THSD4: variants seen among roughly 807,000 people sequenced by gnomAD.
THSD4 encodes the protein thrombospondin type-1 domain-containing protein 4.
Under a neutral mutation model 119.0 loss-of-function variants are expected in THSD4, and 69 were observed. That is an observed-to-expected ratio of 0.58 (90% CI 0.48 to 0.71). The LOEUF (loss-of-function observed/expected upper bound fraction) is 0.71, where lower values mean the gene tolerates loss of function less well. THSD4 is among the 30% of genes least tolerant of loss of function. The pLI is 0.00. For synonymous variants in THSD4, 524 were observed against 540.4 expected (o/e 0.97, Z 0.42); for missense variants, 1,393 against 1,391.1 (o/e 1.00, Z -0.02).
chr15:71,364,369 C>T (rs2045929783), intron 6 of THSD4, among the ~76,000 whole-genome samples: 1 of 152,240 alleles, frequency 6.6e-6, no homozygotes, highest in South Asian at 2.1e-4. Context: ...TATTTCATTA[C>T]TTAGCACTTT....
intron 7 of THSD4, among the ~76,000 whole-genome samples, chr15:71,525,386 G>A (rs2048504124): frequency 6.6e-6 from 1 of 152,198 alleles, no homozygotes; most frequent in Admixed American, 6.5e-5. Flanking sequence ...TTATAGACAT[G>A]TTGGATTTGA....
In THSD4 at chr15:71,474,710, G is replaced by A. The variant is rs1341062679; in HGVS notation, c.1152+62887G>A. On this transcript the variant is annotated intron_variant, in intron 7 of 17. Transcript: ENST00000261862. Reference sequence around the variant, plus strand: ...AATCTTTCCTCCTAGATTCCCTCTGGGTTCAGCCCCACATGAGACAGGAGG... The same window carrying A: ...AATCTTTCCTCCTAGATTCCCTCTGAGTTCAGCCCCACATGAGACAGGAGG... Among the ~76,000 whole-genome samples the A allele has an allele frequency of 2.0e-5, 3 of 152,072 alleles. No individual in the cohort carries two copies. The East Asian group carries it at 5.8e-4, about 29-fold the overall frequency.
At chr15:71,556,745 G>GCAGA (rs1378963780) in intron 7 of THSD4, among the ~76,000 whole-genome samples, 2 of 146,518 alleles carry the variant, frequency 1.4e-5, no homozygotes, top group Non-Finnish European at 3.0e-5. Flanking sequence ...AGCCTGGGTG[G>GCAGA]CAGAGTAAGA....
intron 15 of THSD4, among the ~76,000 whole-genome samples, chr15:71,758,763 T>A (rs12101749): frequency 0.15 from 23,434 of 152,158 alleles, 3,109 homozygotes; most frequent in African/African-American, 0.35. Context: ...GATCATGATT[T>A]ACACATTATC....
chr15:71,151,193 T>A (rs1371493944), intron 2 of THSD4, among the ~76,000 whole-genome samples: 1 of 152,122 alleles, frequency 6.6e-6, no homozygotes, highest in African/African-American at 2.4e-5. Flanking sequence ...TGGAATGCAG[T>A]TCCTCGGAGT....
intron 6 of THSD4, among the ~76,000 whole-genome samples, chr15:71,395,942 C>CACAA (rs1469794305): frequency 1.3e-5 from 2 of 150,448 alleles, no homozygotes; most frequent in East Asian, 4.0e-4. Flanking sequence ...CACACACACA[C>CACAA]ACACACACAC....
intron 4 of THSD4, among the ~76,000 whole-genome samples, chr15:71,231,262 C>A (rs1422068222): frequency 6.6e-6 from 1 of 152,130 alleles, no homozygotes; most frequent in Non-Finnish European, 1.5e-5. Flanking sequence ...GGGGTCGTTT[C>A]CCCCAGAAGG....
intron 6 of THSD4, among the ~76,000 whole-genome samples, chr15:71,371,299 G>A (rs967198557): frequency 6.6e-6 from 1 of 152,162 alleles, no homozygotes; most frequent in Admixed American, 6.5e-5. Flanking sequence ...ATATTGTTAT[G>A]TATGAATTTG....
chr15:71,265,767 G>C (rs755393848), intron 6 of THSD4, among the ~76,000 whole-genome samples: 3 of 152,132 alleles, frequency 2.0e-5, no homozygotes, highest in African/African-American at 4.8e-5. Flanking sequence ...GAGCTTTGTG[G>C]GGGGGGAGGG....
intron 6 of THSD4, among the ~76,000 whole-genome samples, 199 bp from the exon 7 acceptor site, chr15:71,411,488 A>G (rs35270398): frequency 0.25 from 37,838 of 152,052 alleles, 4,870 homozygotes; most frequent in South Asian, 0.32. Flanking sequence ...CTGGAATTAT[A>G]TAATGGTTGC....
intron 7 of THSD4, among the ~76,000 whole-genome samples, chr15:71,501,760 C>T (rs2048116064): frequency 6.6e-6 from 1 of 152,218 alleles, no homozygotes; most frequent in Non-Finnish European, 1.5e-5. Context: ...CATGACCTCT[C>T]AATTGTTTTC....
intron 4 of THSD4, among the ~76,000 whole-genome samples, chr15:71,232,738 T>C (rs942168664): frequency 1.3e-4 from 20 of 152,242 alleles, no homozygotes; most frequent in East Asian, 3.9e-4. Context: ...AACCAGATGA[T>C]GAAGGGTGGA....
chr15:71,442,559 A>G, intron 7 of THSD4, among the ~76,000 whole-genome samples: 1 of 79,738 alleles, frequency 1.3e-5, no homozygotes, highest in Non-Finnish European at 2.5e-5. Context: ...ACAGAGCAAA[A>G]CTCCATCTCA....
chr15:71,432,281 A>G (rs2046953146), intron 7 of THSD4, among the ~76,000 whole-genome samples: 1 of 152,216 alleles, frequency 6.6e-6, no homozygotes, highest in South Asian at 2.1e-4. Context: ...AAGGTTGAAA[A>G]GACTTAATTT....
chr15:71,528,345 G>T (rs1428070558), intron 7 of THSD4, among the ~76,000 whole-genome samples: 1 of 152,162 alleles, frequency 6.6e-6, no homozygotes, highest in African/African-American at 2.4e-5. Context: ...AGCCACTGAG[G>T]ACTTTGTCAG....
At position 71,391,219 on chromosome 15, in the gene THSD4, C is replaced by T. The variant is rs962676008; in HGVS notation, c.1016-20468C>T. Among the ~76,000 whole-genome samples, 10 of 152,100 alleles carry T rather than the reference C, an allele frequency of 6.6e-5. No individual in the cohort carries two copies. The East Asian group carries it at 1.9e-3, about 30-fold the overall frequency. On this transcript the variant is annotated intron_variant, in intron 6 of 17. Coordinates refer to ENST00000261862, the MANE Select transcript of THSD4 (RefSeq NM_024817.3). ...AATTTTTTGTATTTTTTAGTAGAGA[C>T]GGGGTTTCACCGTGTTAGCCAGGAT...
At chr15:71,408,870 G>T (rs1359014417) in intron 6 of THSD4, among the ~76,000 whole-genome samples, 1 of 152,072 alleles carries the variant, frequency 6.6e-6, no homozygotes, top group African/African-American at 2.4e-5. Flanking sequence ...ACAAGGGTTG[G>T]GGGCAGTGGG....
At chr15:71,565,409 A>T (rs1161332690) in intron 7 of THSD4, among the ~76,000 whole-genome samples, 1 of 152,206 alleles carries the variant, frequency 6.6e-6, no homozygotes. Flanking sequence ...TCAGACCATC[A>T]TCTCTCCTAT....
At chr15:71,603,019 C>T (rs1327575832) in intron 7 of THSD4, among the ~76,000 whole-genome samples, 1 of 152,202 alleles carries the variant, frequency 6.6e-6, no homozygotes, top group Non-Finnish European at 1.5e-5. Flanking sequence ...TGCTCTTTCC[C>T]CGCTATGTTG....
Sources: allele counts gnomAD v4.1 joint callset (sites outside exome capture counted in the v4.1 genomes callset), GRCh38; gene constraint gnomAD v4.1.1; transcripts MANE v1.5; gene names NCBI Gene and HGNC (gene_info 2026-07-23, HGNC 2026-07-21).